Variants in CPED1 observed in about 807,000 individuals in gnomAD.
The protein encoded by CPED1 is cadherin like and PC-esterase domain containing 1, also known as cadherin-like and PC-esterase domain-containing protein 1.
A neutral mutation model predicts 128.2 loss-of-function variants in CPED1; 114 were observed. That is an observed-to-expected ratio of 0.89 (90% CI 0.76 to 1.04). The LOEUF (loss-of-function observed/expected upper bound fraction) is 1.04, where lower values mean the gene tolerates loss of function less well. CPED1 is among the 50% of genes least tolerant of loss of function. The probability of loss-of-function intolerance (pLI) is 0.00; values close to 1 mark genes in which losing one functional copy is unlikely to be tolerated. For missense variants in CPED1, 1,211 were observed against 1,207.1 expected, an observed-to-expected ratio of 1.00 and a Z score of -0.05; for synonymous variants, 462 against 426.7, an observed-to-expected ratio of 1.08 and a Z score of -1.02.
At chr7:121,200,101 T>C (rs947972708) in intron 16 of CPED1, among the ~76,000 whole-genome samples, 2 of 152,108 alleles carry the variant, frequency 1.3e-5, no homozygotes, top group African/African-American at 4.8e-5. Flanking sequence ...AAAAGCCAGC[T>C]GGTATAAAAG....
At chr7:121,285,561 C>T (rs990894383) in intron 22 of CPED1, among the ~76,000 whole-genome samples, 1 of 152,186 alleles carries the variant, frequency 6.6e-6, no homozygotes, top group African/African-American at 2.4e-5. Flanking sequence ...AATCATGTTT[C>T]TCATATTCAA....
intron 21 of CPED1, among the ~76,000 whole-genome samples, chr7:121,268,542 A>G (rs10244847): frequency 0.11 from 17,026 of 152,006 alleles, 3,115 homozygotes; most frequent in African/African-American, 0.38. Context: ...GCAGAAAACA[A>G]ATTCAAACTT....
chr7:121,244,325 T>C lies in CPED1; in HGVS notation c.2297T>C (p.Leu766Pro), dbSNP rs1798473347. 1 of 1,613,930 alleles carries C rather than the reference T, an allele frequency of 6.2e-7. No individual in the cohort carries two copies. Among genetic ancestry groups the C allele is most frequent in the Non-Finnish European group, 8.5e-7 (1 of 1,179,980 alleles). The change falls in exon 18 of 23, where the codon CTG becomes CCG. Residue 766 changes from leucine to proline, a missense_variant. Leu to Pro is a moderately conservative substitution (Grantham distance 98). Transcript: ENST00000310396. ...ACTAAGCCTCAACTCCAGCAGTGCCTGGGAGGAAGGAAGGTAGGTTCTGGA... is the reference window on the plus strand; with the variant it reads ...ACTAAGCCTCAACTCCAGCAGTGCCCGGGAGGAAGGAAGGTAGGTTCTGGA... ...VLTKPQLQQC[L>P]GGRKILFIGD...
chr7:121,143,639 G>A (rs997345074), intron 16 of CPED1, among the ~76,000 whole-genome samples: 4 of 151,924 alleles, frequency 2.6e-5, no homozygotes, highest in African/African-American at 9.7e-5. Flanking sequence ...GTATATTTGT[G>A]TATATTTGTG....
intron 16 of CPED1, among the ~76,000 whole-genome samples, chr7:121,152,826 A>G (rs559954275): frequency 1.3e-5 from 2 of 152,314 alleles, no homozygotes; most frequent in East Asian, 3.9e-4. Flanking sequence ...AATATGAAGG[A>G]CTTTGTAGCA....
chr7:121,214,783 G>A (rs531500511), intron 16 of CPED1, among the ~76,000 whole-genome samples: 1 of 152,128 alleles, frequency 6.6e-6, no homozygotes, highest in East Asian at 1.9e-4. Context: ...TGAATGTTCA[G>A]TTTTGAAAGC....
chr7:121,084,192 C>G (rs908591299), intron 5 of CPED1, among the ~76,000 whole-genome samples: 1 of 152,132 alleles, frequency 6.6e-6, no homozygotes, highest in Non-Finnish European at 1.5e-5. Context: ...AAGCAATTCT[C>G]TCACTCCTAT....
At chr7:120,989,988 A>C (rs1585002346) in intron 2 of CPED1, 118 bp downstream of exon 2, 1 of 1,226,866 alleles carries the variant, frequency 8.2e-7, no homozygotes, top group Admixed American at 2.1e-5. Flanking sequence ...CCAGAGTGTA[A>C]ACAGCCTAGA....
At chr7:121,093,298 A>C (rs1246619734) in intron 5 of CPED1, among the ~76,000 whole-genome samples, 3 of 151,960 alleles carry the variant, frequency 2.0e-5, no homozygotes, top group Non-Finnish European at 4.4e-5. Context: ...TTTTTACCTA[A>C]CAAAAGGCAG....
intron 18 of CPED1, among the ~76,000 whole-genome samples, chr7:121,259,285 A>G (rs954811102): frequency 6.6e-5 from 10 of 152,056 alleles, no homozygotes; most frequent in African/African-American, 2.4e-4. Context: ...GCAGGATCAT[A>G]CTTCATATAC....
chr7:121,158,565 T>C (rs1452452804), intron 16 of CPED1, among the ~76,000 whole-genome samples: 3 of 151,370 alleles, frequency 2.0e-5, no homozygotes, highest in Non-Finnish European at 4.4e-5. Flanking sequence ...TTATTAATCA[T>C]CTTTTTTTTT....
chr7:121,186,725 T>A (rs1050175788), intron 16 of CPED1, among the ~76,000 whole-genome samples: 2 of 152,194 alleles, frequency 1.3e-5, no homozygotes, highest in African/African-American at 4.8e-5. Flanking sequence ...AGCAGTCTAG[T>A]GGTTCTGGTT....
chr7:121,186,473 AT>A (rs1340442449), intron 16 of CPED1, among the ~76,000 whole-genome samples: 1 of 152,002 alleles, frequency 6.6e-6, no homozygotes, highest in African/African-American at 2.4e-5. Flanking sequence ...GGCCAATATA[AT>A]TTTTTAATTT....
intron 16 of CPED1, among the ~76,000 whole-genome samples, chr7:121,145,002 A>G (rs1158030465): frequency 2.0e-5 from 3 of 151,984 alleles, no homozygotes; most frequent in Admixed American, 6.6e-5. Flanking sequence ...CAAATGTCCT[A>G]TATCTTAATC....
chr7:121,217,363 A>G (rs1797781100), intron 16 of CPED1, among the ~76,000 whole-genome samples: 1 of 152,050 alleles, frequency 6.6e-6, no homozygotes, highest in Non-Finnish European at 1.5e-5. Context: ...TGTAGTGGAC[A>G]TATATATGTA....
At chr7:121,240,417 A>G (rs1162418109) in intron 17 of CPED1, among the ~76,000 whole-genome samples, 1 of 152,222 alleles carries the variant, frequency 6.6e-6, no homozygotes, top group Admixed American at 6.5e-5. Flanking sequence ...TCTCATTAGC[A>G]GAAACACATT....
At position 120,989,832 on chromosome 7, in the gene CPED1, T is replaced by C. The variant is rs935795982; in HGVS notation, c.211T>C (p.Cys71Arg). The change falls in exon 2 of 23, where the codon TGC (cysteine) becomes CGC (arginine). Residue 71 changes from cysteine (C) to arginine (R), a missense_variant. Cys to Arg is a radical substitution (Grantham distance 180, BLOSUM62 -3). Coordinates refer to ENST00000310396, the MANE Select transcript of CPED1 (RefSeq NM_024913.5). Reference sequence around the variant, plus strand: ...GAAAGGATTCTCTCAGGACAAACAGTGCTTCCTTCTCTCTGGTAATGCCCA... The same window carrying C: ...GAAAGGATTCTCTCAGGACAAACAGCGCTTCCTTCTCTCTGGTAATGCCCA... ...CKKGFSQDKQ[C>R]FLLSGNAQET... 6.2e-7 allele frequency: 1 copy of C among 1,614,110 alleles called. No homozygotes were observed. The highest frequency in any genetic ancestry group is 8.5e-7 in the Non-Finnish European group (1 of 1,180,016).
chr7:121,234,553 T>C (rs1244293690), intron 16 of CPED1, among the ~76,000 whole-genome samples: 1 of 151,976 alleles, frequency 6.6e-6, no homozygotes, highest in Non-Finnish European at 1.5e-5. Flanking sequence ...AAGTTGTTTA[T>C]AATATTTCAA....
chr7:121,152,619 C>T (rs535532112), intron 16 of CPED1, among the ~76,000 whole-genome samples: 39 of 151,966 alleles, frequency 2.6e-4, no homozygotes, highest in Admixed American at 8.5e-4. Flanking sequence ...GGAACAGTGC[C>T]TAGGCACATA....
Sources: gnomAD v4.1 joint callset for allele counts (sites outside exome capture counted in the v4.1 genomes callset) on GRCh38, gnomAD v4.1.1 for gene constraint, MANE v1.5 for transcripts, NCBI Gene and HGNC (gene_info 2026-07-23, HGNC 2026-07-21) for gene names.